Variants in FRAS1 observed in about 807,000 individuals in gnomAD.
FRAS1 encodes extracellular matrix organizing protein FRAS1.
FRAS1 carries 290 observed loss-of-function variants against 435.2 expected under a neutral mutation model. That is an observed-to-expected ratio of 0.67 (90% CI 0.61 to 0.73). The LOEUF is 0.73. Among genes scored for constraint, FRAS1 ranks in the 30% least tolerant of loss-of-function variants. The probability of loss-of-function intolerance (pLI) is 0.00; values close to 1 mark genes in which losing one functional copy is unlikely to be tolerated. For synonymous variants in FRAS1, 1,800 were observed against 1,851.0 expected (o/e 0.97, Z 0.71); for missense variants, 4,860 against 5,001.5 (o/e 0.97, Z 0.85).
chr4:78,332,826 AGC>A (rs1730000631), intron 18 of FRAS1, among the ~76,000 whole-genome samples: 1 of 152,180 alleles, frequency 6.6e-6, no homozygotes, highest in Non-Finnish European at 1.5e-5. Flanking sequence ...TCTCCATCAT[AGC>A]GTAGGCACTT....
intron 61 of FRAS1, among the ~76,000 whole-genome samples, chr4:78,501,579 C>G (rs1447835681): frequency 6.6e-6 from 1 of 152,210 alleles, no homozygotes; most frequent in Non-Finnish European, 1.5e-5. Context: ...TACACTCCCA[C>G]CAACAGCATA....
chr4:78,337,765 C>T lies in FRAS1; in HGVS notation c.2370C>T (p.Cys790=). Residue 790 remains cysteine, a synonymous_variant, in exon 20 of 74, where the codon TGC becomes TGT. Transcript: ENST00000512123. ...YPHISLTNGN[C]RTSCREEQFL... ...ACATCTCTCTTACCAATGGTAACTGCAGGACCAGCTGCAGGGAAGAGCAGT... is the reference window on the plus strand; with the variant it reads ...ACATCTCTCTTACCAATGGTAACTGTAGGACCAGCTGCAGGGAAGAGCAGT... 2 of 1,613,910 alleles carry T rather than the reference C, an allele frequency of 1.2e-6. No homozygotes were observed. The highest frequency in any genetic ancestry group is 1.1e-5 in the South Asian group (1 of 91,078).
At chr4:78,366,374 G>A (rs896669684) in intron 22 of FRAS1, among the ~76,000 whole-genome samples, 9 of 152,298 alleles carry the variant, frequency 5.9e-5, no homozygotes, top group East Asian at 3.9e-4. Context: ...GAAGAAAGCC[G>A]GTTCCACTGC....
chr4:78,390,001 A>G lies in FRAS1; in HGVS notation c.3975+2300A>G, dbSNP rs139827726. ...GCCCCTTTTCATCCCTCTCTCCTGTATTGCTGTGATTACCTGCCCATGGAT... is the reference window on the plus strand; with the variant it reads ...GCCCCTTTTCATCCCTCTCTCCTGTGTTGCTGTGATTACCTGCCCATGGAT... On this transcript the variant is annotated intron_variant, in intron 29 of 73. Transcript: ENST00000512123. Among the ~76,000 whole-genome samples, 1,226 of 152,146 alleles carry G rather than the reference A, an allele frequency of 8.1e-3. 25 individuals are homozygous for G. Among genetic ancestry groups the G allele is most frequent in the African/African-American group, 0.028 (1,157 of 41,508 alleles).
At chr4:78,305,618 G>T (rs1728670197) in intron 14 of FRAS1, among the ~76,000 whole-genome samples, 1 of 140,158 alleles carries the variant, frequency 7.1e-6, no homozygotes. Context: ...ATTATGTAAT[G>T]GCCTTCTTTG....
At chr4:78,076,487 G>T (rs1740647690) in intron 2 of FRAS1, among the ~76,000 whole-genome samples, 1 of 152,070 alleles carries the variant, frequency 6.6e-6, no homozygotes, top group African/African-American at 2.4e-5. Context: ...AAAATTTTTT[G>T]TTAAAATGGA....
Position 78,520,463 on chromosome 4 carries a change from C to T in FRAS1, c.10540+982C>T, listed in dbSNP as rs537570821. Reference sequence around the variant, plus strand: ...GCTTCATCTCTACTAATTGAAATTACAGTCATCATTCATATCTATTAGTGT... The same window carrying T: ...GCTTCATCTCTACTAATTGAAATTATAGTCATCATTCATATCTATTAGTGT... On this transcript the variant is annotated intron_variant, in intron 67 of 73. Transcript: ENST00000512123. 5.3e-5 allele frequency among the ~76,000 whole-genome samples: 8 copies of T among 152,166 alleles called. No homozygotes were observed. In the South Asian group the frequency reaches 1.5e-3, roughly 28 times the overall value.
At position 78,387,366 on chromosome 4, in the gene FRAS1, A is replaced by C. The variant is rs763538373; in HGVS notation, c.3649-9A>C. On this transcript the variant is annotated splice_polypyrimidine_tract_variant and intron_variant, in intron 28 of 73. Transcript: ENST00000512123. ...TCTTAACTGACTCTTCTTCCCTTCA[A>C]CTCCACAGGCCCCCTATGTGCTGAG... is the stretch of plus-strand genomic sequence containing the variant. 2.1e-5 allele frequency: 34 copies of C among 1,586,836 alleles called. No homozygotes were observed. In the East Asian group the frequency reaches 2.7e-4, roughly 13 times the overall value.
chr4:78,134,233 T>C (rs924361966), intron 2 of FRAS1, among the ~76,000 whole-genome samples: 109 of 152,274 alleles, frequency 7.2e-4, no homozygotes, highest in African/African-American at 2.4e-3. Flanking sequence ...TCCCACTGTT[T>C]TGAGCCTTAT....
intron 2 of FRAS1, among the ~76,000 whole-genome samples, chr4:78,135,709 T>C (rs778845551): frequency 1.3e-5 from 2 of 152,150 alleles, no homozygotes; most frequent in Non-Finnish European, 2.9e-5. Context: ...AACAAGATAA[T>C]ATCTCAAGTA....
intron 70 of FRAS1, among the ~76,000 whole-genome samples, chr4:78,532,051 A>AGG (rs1721732996): frequency 6.6e-6 from 1 of 152,226 alleles, no homozygotes; most frequent in South Asian, 2.1e-4. Flanking sequence ...GCCACCCTGT[A>AGG]GTTTCTTCTT....
intron 44 of FRAS1, among the ~76,000 whole-genome samples, chr4:78,449,095 T>TA (rs1298230436): frequency 6.6e-6 from 1 of 152,226 alleles, no homozygotes; most frequent in African/African-American, 2.4e-5. Flanking sequence ...ACTATCCTGT[T>TA]ACTGTTTCAT....
rs1172743851 is a variant in FRAS1, at chr4:78,123,753, T to A, written c.108+57737T>A. ...TCTTAGTAGCAATTGTGAATGGGAG[T>A]TCGATCATGATTTGGCACTCTGTTT... On this transcript the variant is annotated intron_variant, in intron 2 of 73. Transcript: ENST00000512123. Among the ~76,000 whole-genome samples the A allele has an allele frequency of 3.3e-5, 5 of 152,230 alleles. No individual in the cohort carries two copies. The East Asian group carries it at 9.7e-4, about 29-fold the overall frequency.
Position 78,501,815 on chromosome 4 carries a change from G to C in FRAS1, c.9316+1894G>C, listed in dbSNP as rs142874730. 5.6e-4 allele frequency among the ~76,000 whole-genome samples: 86 copies of C among 152,282 alleles called. 1 individual carries two copies. In the East Asian group the frequency reaches 0.016, roughly 28 times the overall value. On this transcript the variant is annotated intron_variant, in intron 61 of 73. Coordinates refer to ENST00000512123, the MANE Select transcript of FRAS1 (RefSeq NM_025074.7). ...GTTACCCATGCCTATGTCCTGAATG[G>C]TATTGCCTAGGTCTTCTTCTAGGGT...
intron 20 of FRAS1, among the ~76,000 whole-genome samples, chr4:78,342,422 T>C (rs1370476779): frequency 6.6e-6 from 1 of 152,178 alleles, no homozygotes; most frequent in Non-Finnish European, 1.5e-5. Context: ...GTATGTGAGA[T>C]TTAGGCCAGA....
chr4:78,338,915 A>G (rs1007161748), intron 20 of FRAS1, among the ~76,000 whole-genome samples: 6 of 152,208 alleles, frequency 3.9e-5, no homozygotes, highest in Admixed American at 3.9e-4. Flanking sequence ...TTTTGGTATT[A>G]AGGTCTATAT....
chr4:78,495,143 T>G (rs559251752), intron 59 of FRAS1, among the ~76,000 whole-genome samples: 35 of 152,286 alleles, frequency 2.3e-4, no homozygotes, highest in Non-Finnish European at 4.7e-4. Context: ...TTTTTATCCT[T>G]TGTTTCTTAT....
At chr4:78,143,976 A>G (rs1223837338) in intron 2 of FRAS1, among the ~76,000 whole-genome samples, 2 of 151,746 alleles carry the variant, frequency 1.3e-5, no homozygotes, top group African/African-American at 4.8e-5. Context: ...GCTAGAAATC[A>G]ATCACAAAAA....
At chr4:78,196,718 A>G (rs1359492995) in intron 2 of FRAS1, among the ~76,000 whole-genome samples, 4 of 152,160 alleles carry the variant, frequency 2.6e-5, no homozygotes, top group Middle Eastern at 3.2e-3. Context: ...AAGATTTCAT[A>G]TATTCTCTGT....
Sources: gnomAD v4.1 joint callset for allele counts (sites outside exome capture counted in the v4.1 genomes callset) on GRCh38, gnomAD v4.1.1 for gene constraint, MANE v1.5 for transcripts, NCBI Gene and HGNC (gene_info 2026-07-23, HGNC 2026-07-21) for gene names.